The following COMMD6 variants were observed in gnomAD, a reference collection of about 807,000 sequenced individuals.
COMMD6 encodes the protein COMM domain-containing protein 6.
COMMD6 carries 11 observed loss-of-function variants against 13.4 expected under a neutral mutation model. The ratio of observed to expected loss-of-function variants is 0.82; its 90% CI spans 0.52 to 1.36. COMMD6 has a LOEUF of 1.36. COMMD6 is among the 40% of genes most tolerant of loss of function. COMMD6 has a pLI of 0.00. For synonymous variants in COMMD6, 43 were observed against 36.5 expected (o/e 1.18, Z -0.64); for missense variants, 124 against 102.4 (o/e 1.21, Z -0.91).
At chr13:75,537,183 A>G (rs533707018) in intron 2 of COMMD6, among the ~76,000 whole-genome samples, 7 of 152,384 alleles carry the variant, frequency 4.6e-5, no homozygotes, top group African/African-American at 1.7e-4. Context: ...TGGCTACAAC[A>G]GCACAGCAGC....
chr13:75,536,072 A>G (rs2138422241), intron 2 of COMMD6, among the ~76,000 whole-genome samples: 1 of 152,070 alleles, frequency 6.6e-6, no homozygotes, highest in South Asian at 2.1e-4. Flanking sequence ...ATTTTTATAG[A>G]GATAAGGTCT....
At chr13:75,530,340 T>C in intron 2 of COMMD6, 74 bp from the exon 3 acceptor site, 3 of 1,234,880 alleles carry the variant, frequency 2.4e-6, no homozygotes, top group Non-Finnish European at 1.1e-6. Context: ...TCAATTTTAC[T>C]GCAGTTACAC....
intron 2 of COMMD6, among the ~76,000 whole-genome samples, chr13:75,536,500 C>T (rs992361135): frequency 6.6e-6 from 1 of 152,120 alleles, no homozygotes; most frequent in Non-Finnish European, 1.5e-5. Flanking sequence ...TGGAGATTTT[C>T]CTGGATTATC....
At chr13:75,547,227 A>G (rs1305002741) in intron 1 of COMMD6, among the ~76,000 whole-genome samples, 1 of 151,994 alleles carries the variant, frequency 6.6e-6, no homozygotes. Flanking sequence ...TGAGCATTAA[A>G]TAGACCATCA....
At chr13:75,539,066 G>T (rs2138426931), upstream of COMMD6, among the ~76,000 whole-genome samples, 1 of 152,178 alleles carries the variant, frequency 6.6e-6, no homozygotes, top group East Asian at 1.9e-4. Context: ...GGAAGGGCAG[G>T]TCAAGTCCTC....
intron 3 of COMMD6, 162 bp downstream of exon 3, chr13:75,529,949 AAAG>A: frequency 1.6e-5 from 9 of 562,084 alleles, no homozygotes; most frequent in East Asian, 2.9e-5. Flanking sequence ...TCAAATTCCC[AAAG>A]AAGACAAATT....
intron 2 of COMMD6, among the ~76,000 whole-genome samples, chr13:75,533,090 C>T (rs980264807): frequency 2.6e-5 from 4 of 151,896 alleles, no homozygotes; most frequent in African/African-American, 7.2e-5. Context: ...GCCACCATGA[C>T]GGGCTAATTT....
intron 3 of COMMD6, chr13:75,529,866 C>T: frequency 2.9e-6 from 1 of 350,566 alleles, no homozygotes; most frequent in Non-Finnish European, 5.1e-6. Context: ...TAAATATACT[C>T]AGAGAGGAGT....
At chr13:75,544,781 A>C (rs2030877471) in intron 1 of COMMD6, among the ~76,000 whole-genome samples, 1 of 151,862 alleles carries the variant, frequency 6.6e-6, no homozygotes, top group African/African-American at 2.4e-5. Context: ...AAATAAAATA[A>C]AATAAAATAC....
intron 1 of COMMD6, among the ~76,000 whole-genome samples, chr13:75,545,633 G>C (rs2030894795): frequency 6.6e-6 from 1 of 151,904 alleles, no homozygotes; most frequent in East Asian, 1.9e-4. Flanking sequence ...CACCACGCCT[G>C]GTTAATTTTC....
chr13:75,527,790 G>T, intron 3 of COMMD6: 1 of 1,469,916 alleles, frequency 6.8e-7, no homozygotes, highest in South Asian at 1.5e-5. Flanking sequence ...CTTATATGTG[G>T]AATCTAAAAA....
intron 1 of COMMD6, among the ~76,000 whole-genome samples, chr13:75,547,944 T>G (rs9573583): frequency 0.99 from 151,525 of 152,334 alleles, 75,366 homozygotes; most frequent in Middle Eastern, 1. Context: ...AATTTGAGTG[T>G]ATCCCTAGCA....
At chr13:75,527,127 A>G (rs1215362575) in intron 3 of COMMD6, among the ~76,000 whole-genome samples, 4 of 152,248 alleles carry the variant, frequency 2.6e-5, no homozygotes, top group African/African-American at 7.2e-5. Flanking sequence ...TTAAGCTGGT[A>G]TAACGGTTCT....
intron 2 of COMMD6, among the ~76,000 whole-genome samples, chr13:75,534,307 C>T (rs541982237): frequency 8.5e-5 from 13 of 152,278 alleles, no homozygotes; most frequent in African/African-American, 2.6e-4. Context: ...AAGTTCCACT[C>T]ACTATTAAAA....
At chr13:75,526,664 A>C in intron 3 of COMMD6, 25 bp from the exon 4 acceptor site, 1 of 1,544,186 alleles carries the variant, frequency 6.5e-7, no homozygotes, top group Non-Finnish European at 8.9e-7. Context: ...GGAAAATAAT[A>C]TTAATTTTGC....
chr13:75,531,399 T>C (rs911908891), intron 2 of COMMD6, among the ~76,000 whole-genome samples: 1 of 152,180 alleles, frequency 6.6e-6, no homozygotes, highest in Non-Finnish European at 1.5e-5. Flanking sequence ...AAGGCATTTG[T>C]AAATCTCCCA....
chr13:75,547,354 G>A (rs978509931), intron 1 of COMMD6, among the ~76,000 whole-genome samples: 2 of 152,160 alleles, frequency 1.3e-5, no homozygotes, highest in Non-Finnish European at 2.9e-5. Flanking sequence ...GAGTGACCAC[G>A]ACAACTTTGT....
intron 2 of COMMD6, among the ~76,000 whole-genome samples, chr13:75,536,827 A>C (rs1435215587): frequency 6.6e-6 from 1 of 152,236 alleles, no homozygotes; most frequent in African/African-American, 2.4e-5. Context: ...CTGTTTCAGA[A>C]TATCTTAAAT....
chr13:75,544,836 G>C (rs920575319), intron 1 of COMMD6, among the ~76,000 whole-genome samples: 2 of 147,444 alleles, frequency 1.4e-5, no homozygotes, highest in African/African-American at 5.0e-5. Context: ...TGAGGCACTA[G>C]AATTGCTTGA....
Sources: allele counts gnomAD v4.1 joint callset (sites outside exome capture counted in the v4.1 genomes callset), GRCh38; gene constraint gnomAD v4.1.1; transcripts MANE v1.5; gene names NCBI Gene and HGNC (gene_info 2026-07-23, HGNC 2026-07-21).